THSD7A: variants seen among roughly 807,000 people sequenced by gnomAD.
THSD7A encodes thrombospondin type-1 domain-containing protein 7A.
THSD7A carries 96 observed loss-of-function variants against 231.3 expected under a neutral mutation model. The observed-to-expected ratio is 0.41, with a 90% CI of 0.35 to 0.49. The LOEUF is 0.49. Among genes scored for constraint, THSD7A ranks in the 20% least tolerant of loss-of-function variants. THSD7A has a pLI of 0.05. For missense variants in THSD7A, 2,290 were observed against 2,070.2 expected (o/e 1.11, Z -2.06); for synonymous variants, 940 against 743.3 (o/e 1.26, Z -4.30).
At chr7:11,457,742 T>C (rs1230226600) in intron 11 of THSD7A, among the ~76,000 whole-genome samples, 1 of 152,244 alleles carries the variant, frequency 6.6e-6, no homozygotes, top group African/African-American at 2.4e-5. Context: ...CCCACTTTTC[T>C]GTGAACACAT....
chr7:11,775,949 G>A (rs1220481239), intron 1 of THSD7A, among the ~76,000 whole-genome samples: 2 of 152,108 alleles, frequency 1.3e-5, no homozygotes, highest in Non-Finnish European at 2.9e-5. Flanking sequence ...TTTTCTAAAT[G>A]TTCATGAAAA....
intron 1 of THSD7A, among the ~76,000 whole-genome samples, chr7:11,781,035 A>AAAAAAAAAT (rs1185567161): frequency 7.5e-6 from 1 of 133,702 alleles, no homozygotes; most frequent in Non-Finnish European, 1.6e-5. Context: ...AAAAAAAAAA[A>AAAAAAAAAT]AAATTTATAG....
At chr7:11,561,220 C>T (rs1583976742) in intron 4 of THSD7A, among the ~76,000 whole-genome samples, 1 of 152,086 alleles carries the variant, frequency 6.6e-6, no homozygotes, top group Non-Finnish European at 1.5e-5. Context: ...CACAGGCACA[C>T]ACATATGCAT....
chr7:11,489,786 T>A (rs1362077303), intron 6 of THSD7A, among the ~76,000 whole-genome samples: 1 of 152,090 alleles, frequency 6.6e-6, no homozygotes, highest in African/African-American at 2.4e-5. Flanking sequence ...GTTTTAATAA[T>A]CTCAAATACA....
chr7:11,559,079 T>C (rs1789969890), intron 4 of THSD7A, among the ~76,000 whole-genome samples: 1 of 152,178 alleles, frequency 6.6e-6, no homozygotes, highest in South Asian at 2.1e-4. Context: ...GGGTGATTCC[T>C]AGAAGCTGGG....
At chr7:11,706,916 G>C (rs963633222) in intron 1 of THSD7A, among the ~76,000 whole-genome samples, 2 of 150,156 alleles carry the variant, frequency 1.3e-5, no homozygotes, top group African/African-American at 4.9e-5. Context: ...TCTGATTCAG[G>C]GTTTTTCAGC....
intron 1 of THSD7A, among the ~76,000 whole-genome samples, chr7:11,669,919 A>C (rs1167719409): frequency 2.0e-5 from 3 of 151,880 alleles, no homozygotes; most frequent in Non-Finnish European, 4.4e-5. Context: ...AACAATTTTC[A>C]TCCCTAATAA....
At chr7:11,695,889 C>T (rs145376657) in intron 1 of THSD7A, among the ~76,000 whole-genome samples, 258 of 151,502 alleles carry the variant, frequency 1.7e-3, no homozygotes, top group African/African-American at 5.8e-3. Context: ...AAGATTGAAG[C>T]GGACGTGACT....
In THSD7A at chr7:11,590,880, TATAA is replaced by T. The variant is rs1258871290; in HGVS notation, c.1272-243_1272-240del. On this transcript the variant is annotated intron_variant, in intron 3 of 27. Coordinates refer to ENST00000423059, the MANE Select transcript of THSD7A (RefSeq NM_015204.3). This position sits in a 1 kb window ranked among gnomAD's most constrained non-coding sequence, Gnocchi z 4.4. ...TCAATTGCAATTACTGGAAGTTACT[TATAA>T]ATATTTTATGAAAAGGGAGCACAAT... 1.3e-5 allele frequency among the ~76,000 whole-genome samples: 2 copies of T among 152,160 alleles called. No individual in the cohort carries two copies. The highest frequency in any genetic ancestry group is 4.8e-5 in the African/African-American group (2 of 41,438).
At chr7:11,509,323 C>T (rs1787692601) in intron 6 of THSD7A, among the ~76,000 whole-genome samples, 1 of 152,104 alleles carries the variant, frequency 6.6e-6, no homozygotes, top group South Asian at 2.1e-4. Flanking sequence ...GACACAATAA[C>T]TGACTTATAT....
intron 1 of THSD7A, among the ~76,000 whole-genome samples, chr7:11,810,293 C>T (rs1784497081): frequency 6.6e-6 from 1 of 152,166 alleles, no homozygotes; most frequent in East Asian, 1.9e-4. Flanking sequence ...CCCTTCATCT[C>T]TCACCTCTCA....
rs1402963917 is a variant in THSD7A, at chr7:11,492,370, C to T, written c.1823-10388G>A. ...AAATAAAAAGAAAGTATAGTTATAC[C>T]ACATATTCCACAGACAGTTATTACA... On this transcript the variant is annotated intron_variant, in intron 6 of 27. Transcript: ENST00000423059. Among the ~76,000 whole-genome samples the T allele has an allele frequency of 2.0e-5, 3 of 151,914 alleles. No individual in the cohort carries two copies. The East Asian group carries it at 5.8e-4, about 29-fold the overall frequency.
intron 7 of THSD7A, among the ~76,000 whole-genome samples, chr7:11,476,357 AC>A (rs1786179368): frequency 6.7e-6 from 1 of 148,722 alleles, no homozygotes; most frequent in South Asian, 2.1e-4. Context: ...ACACACACAC[AC>A]ACACCATTTT....
At chr7:11,612,924 A>T (rs1780981295) in intron 2 of THSD7A, among the ~76,000 whole-genome samples, 1 of 152,184 alleles carries the variant, frequency 6.6e-6, no homozygotes, top group Non-Finnish European at 1.5e-5. Context: ...TAAGGAGGGC[A>T]GGACCGTTTC....
In THSD7A at chr7:11,738,140, A is replaced by G. The variant is rs183089158; in HGVS notation, c.190+93617T>C. Among the ~76,000 whole-genome samples the G allele has an allele frequency of 1.2e-3, 188 of 152,082 alleles. 1 individual carries two copies. The highest frequency in any genetic ancestry group is 3.4e-3 in the Middle Eastern group (1 of 294). ...GTTCACTTAATCATTACACAGACTG[A>G]GCATCCCTTATACAAAATGCTTGGG... On this transcript the variant is annotated intron_variant, in intron 1 of 27. Coordinates refer to ENST00000423059, the MANE Select transcript of THSD7A (RefSeq NM_015204.3).
At chr7:11,751,537 C>A (rs376789385) in intron 1 of THSD7A, among the ~76,000 whole-genome samples, 2 of 151,866 alleles carry the variant, frequency 1.3e-5, no homozygotes, top group Non-Finnish European at 2.9e-5. Flanking sequence ...GAGAGTACAA[C>A]GCAGAGTGTA....
At chr7:11,757,104 C>T (rs141272234) in intron 1 of THSD7A, among the ~76,000 whole-genome samples, 23 of 151,590 alleles carry the variant, frequency 1.5e-4, no homozygotes, top group African/African-American at 5.6e-4. Context: ...TTATTGATCT[C>T]TATATATGTA....
rs1227041855 is a variant in THSD7A at position 11,769,153 on chromosome 7, A to ATTTTTTTTTTTTTTT, written c.190+62589_190+62603dup. 5.1e-4 allele frequency among the ~76,000 whole-genome samples: 14 copies of ATTTTTTTTTTTTTTT among 27,658 alleles called. 2 individuals are homozygous for ATTTTTTTTTTTTTTT. Among genetic ancestry groups the ATTTTTTTTTTTTTTT allele is most frequent in the Non-Finnish European group, 7.0e-4 (10 of 14,386 alleles). The allele number at this position is 27,658 out of a possible 152,430, so 18.1% of individuals were successfully genotyped here. The stretch of plus-strand genomic sequence containing the variant: ...TATATATATATATATATATATATAT[A>ATTTTTTTTTTTTTTT]TTTTTTTTTTTTTTTGGTATTTTTG... On this transcript the variant is annotated intron_variant, in intron 1 of 27. Transcript: ENST00000423059.
intron 1 of THSD7A, among the ~76,000 whole-genome samples, chr7:11,664,794 A>G (rs777575417): frequency 2.6e-5 from 4 of 151,952 alleles, no homozygotes; most frequent in African/African-American, 9.7e-5. Context: ...GACCCCAGAC[A>G]ATCCTTTCCT....
Sources: allele counts gnomAD v4.1 joint callset (sites outside exome capture counted in the v4.1 genomes callset), GRCh38; gene constraint gnomAD v4.1.1; non-coding constraint Gnocchi (gnomAD v3.1); transcripts MANE v1.5; gene names NCBI Gene and HGNC (gene_info 2026-07-23, HGNC 2026-07-21).